Variants in ASB16 observed in about 807,000 individuals in gnomAD.
ASB16 encodes ankyrin repeat and SOCS box protein 16.
A neutral mutation model predicts 39.1 loss-of-function variants in ASB16; 44 were observed. The observed-to-expected ratio is 1.13, with a 90% CI of 0.88 to 1.45. ASB16 has a LOEUF of 1.45. Ranked by LOEUF, ASB16 falls within the 40% of genes most tolerant of loss-of-function variation. ASB16 has a pLI of 0.00. For synonymous variants in ASB16, 305 were observed against 286.7 expected (o/e 1.06, Z -0.64); for missense variants, 698 against 634.5 (o/e 1.10, Z -1.07).
chr17:44,176,766 G>C lies in ASB16; in HGVS notation c.598G>C (p.Ala200Pro), dbSNP rs145786587. ...QCAKLLLEAG[A>P]TVNLAAGESQ... ...CGCCAAGTTGCTGCTGGAAGCAGGA[G>C]CGACGGTGAACCTGGCAGCAGGCGA... Residue 200 changes from alanine to proline, a missense_variant, in exon 3 of 5, where the codon GCG becomes CCG. Ala to Pro is a conservative substitution (Grantham distance 27, BLOSUM62 -1). Transcript: ENST00000293414. The C allele has an allele frequency of 1.2e-6, 2 of 1,613,918 alleles. No homozygotes were observed. The highest frequency in any genetic ancestry group is 3.3e-5 in the Admixed American group (2 of 60,010).
Position 44,170,804 on chromosome 17 carries a change from C to G in ASB16, c.15C>G (p.Thr5=), listed in dbSNP as rs763623202. 3.1e-5 allele frequency: 49 copies of G among 1,601,354 alleles called. No individual in the cohort carries two copies. In the Admixed American group the frequency reaches 8.3e-4, roughly 27 times the overall value. ...GGGCCCCATCCATGGCAAGAGAGAC[C>G]TTCCCCTTCACCTCCTCCATGCTGC... is the stretch of plus-strand genomic sequence containing the variant. The part of the protein sequence containing the change: MARE[T]FPFTSSMLRS... The change falls in exon 1 of 5, where the codon ACC becomes ACG. Residue 5 remains threonine (T), a synonymous_variant. Coordinates refer to ENST00000293414, the MANE Select transcript of ASB16 (RefSeq NM_080863.5).
At position 44,176,748 on chromosome 17, in the gene ASB16, T is replaced by C. The variant is rs1299439388; in HGVS notation, c.580T>C (p.Leu194=). Residue 194 remains leucine (L), a synonymous_variant, in exon 3 of 5, where the codon TTG becomes CTG. Transcript: ENST00000293414. ...TIPESLQCAK[L]LLEAGATVNL... ...CTCTCTTGTCCCCAGGTGCGCCAAG[T>C]TGCTGCTGGAAGCAGGAGCGACGGT... The C allele has an allele frequency of 1.1e-5, 17 of 1,613,766 alleles. No individual in the cohort carries two copies. The highest frequency in any genetic ancestry group is 1.4e-5 in the Non-Finnish European group (17 of 1,179,926).
At chr17:44,171,927 GT>G in intron 1 of ASB16, 118 bp from the exon 2 acceptor site, 1 of 1,056,174 alleles carries the variant, frequency 9.5e-7, no homozygotes, top group Non-Finnish European at 1.4e-6. Flanking sequence ...GGCAGTGTTT[GT>G]GCTCAGCAAA....
At chr17:44,177,900 A>G in intron 4 of ASB16, 178 bp downstream of exon 4, 1 of 810,990 alleles carries the variant, frequency 1.2e-6, no homozygotes, top group South Asian at 1.8e-5. Flanking sequence ...CCCTAACTCC[A>G]CACACCTCTC....
chr17:44,175,509 G>A (rs2054280922), intron 2 of ASB16, among the ~76,000 whole-genome samples: 2 of 151,818 alleles, frequency 1.3e-5, no homozygotes, highest in African/African-American at 4.8e-5. Flanking sequence ...AAGACTGGCT[G>A]CTACTCACAT....
chr17:44,170,927 G>A lies in ASB16; in HGVS notation c.138G>A (p.Arg46=). 1 of 1,613,226 alleles carries A rather than the reference G, an allele frequency of 6.2e-7. No individual in the cohort carries two copies. The highest frequency in any genetic ancestry group is 8.5e-7 in the Non-Finnish European group (1 of 1,179,922). Residue 46 remains arginine (R), a synonymous_variant, in exon 1 of 5, where the codon CGG becomes CGA. Transcript: ENST00000293414. ...CRSRRCPSSP[R]ARLTRPHRSC... is the part of the protein sequence containing the mutation. ...GCCGCAGGTGCCCGTCAAGTCCCCG[G>A]GCCCGACTCACTAGGCCTCACCGTT...
At chr17:44,178,110 T>C in intron 4 of ASB16, 95 bp from the exon 5 acceptor site, 1 of 1,309,682 alleles carries the variant, frequency 7.6e-7, no homozygotes, top group South Asian at 1.2e-5. Context: ...AACACCCAGG[T>C]GGGTGCATGC....
rs779799451 is a variant in ASB16 at position 44,176,788 on chromosome 17, G to C, written c.620G>C (p.Gly207Ala). 8.1e-6 allele frequency: 13 copies of C among 1,613,756 alleles called. No individual in the cohort carries two copies. In the South Asian group the frequency reaches 1.2e-4, roughly 15 times the overall value. Residue 207 changes from glycine (G) to alanine (A), a missense_variant, in exon 3 of 5, where the codon GGC becomes GCC. By Grantham distance (60) the Gly-to-Ala change is moderately conservative. Transcript: ENST00000293414. ...GGAGCGACGGTGAACCTGGCAGCAG[G>C]CGAGAGCCAGGAGACGCCCCTGCAC... ...EAGATVNLAA[G>A]ESQETPLHVA...
rs758456101 is a variant in ASB16, at chr17:44,177,007, C to T, written c.839C>T (p.Ala280Val). The change falls in exon 3 of 5, where the codon GCC becomes GTC. Residue 280 changes from alanine (A) to valine (V), a missense_variant. Physicochemically the swap from Ala to Val is moderately conservative, Grantham distance 64. Transcript: ENST00000293414. ...GAGGCTGGAGCTGATGCCCGGGCGG[C>T]CGGGCGCAAGCGCCACACGCCGCTG... ...LLEAGADARA[A>V]GRKRHTPLHN... The T allele has an allele frequency of 1.3e-6, 2 of 1,489,000 alleles. No homozygotes were observed. Among genetic ancestry groups the T allele is most frequent in the East Asian group, 2.7e-5 (1 of 36,646 alleles). 92.2% of individuals were successfully genotyped at this position (1,489,000 alleles called of 1,614,324 possible). A position where few individuals can be genotyped will look rare whatever the true frequency, so the allele number is the denominator to read the frequency against.
At position 44,177,741 on chromosome 17, in the gene ASB16, C is replaced by T. The variant is rs749502395; in HGVS notation, c.1176+19C>T. 1.6e-5 allele frequency: 25 copies of T among 1,609,102 alleles called. No homozygotes were observed. The highest frequency in any genetic ancestry group is 3.4e-5 in the Admixed American group (2 of 59,614). ...GTGGAAGGTATGTTTGCCTCAGGGC[C>T]GAGATGGGGAGGAGGGACGAGCCAC... On this transcript the variant is annotated intron_variant, in intron 4 of 4. Transcript: ENST00000293414.
chr17:44,177,775 T>C (rs866591792), intron 4 of ASB16, 53 bp downstream of exon 4: 11 of 1,598,910 alleles, frequency 6.9e-6, no homozygotes, highest in Middle Eastern at 3.4e-4. Context: ...ACAGGCCTAT[T>C]CCTTCAGGAC....
Position 44,170,905 on chromosome 17 carries a change from G to A in ASB16, c.116G>A (p.Arg39His), listed in dbSNP as rs778649100. The A allele has an allele frequency of 6.7e-5, 108 of 1,612,138 alleles. No individual in the cohort carries two copies. Among genetic ancestry groups the A allele is most frequent in the Admixed American group, 3.2e-4 (19 of 59,960 alleles). The change falls in exon 1 of 5, where the codon CGC (arginine) becomes CAC (histidine). Residue 39 changes from arginine to histidine, a missense_variant. Arg to His is a conservative substitution (Grantham distance 29). Coordinates refer to ENST00000293414, the MANE Select transcript of ASB16 (RefSeq NM_080863.5). ...RRAAAQQCRS[R>H]RCPSSPRARL... ...GCGGCTGCCCAGCAGTGCCGGAGCCGCAGGTGCCCGTCAAGTCCCCGGGCC... is the reference window on the plus strand; with the variant it reads ...GCGGCTGCCCAGCAGTGCCGGAGCCACAGGTGCCCGTCAAGTCCCCGGGCC...
At position 44,176,726 on chromosome 17, in the gene ASB16, T is replaced by A. The variant is rs368182961; in HGVS notation, c.570-12T>A. On this transcript the variant is annotated splice_polypyrimidine_tract_variant and intron_variant, in intron 2 of 4. Coordinates refer to ENST00000293414, the MANE Select transcript of ASB16 (RefSeq NM_080863.5). ...CAGGATTTTCCTCAGGACCTTGCTCTCTTGTCCCCAGGTGCGCCAAGTTGC... is the reference window on the plus strand; with the variant it reads ...CAGGATTTTCCTCAGGACCTTGCTCACTTGTCCCCAGGTGCGCCAAGTTGC... 1.7e-5 allele frequency: 27 copies of A among 1,613,866 alleles called. No homozygotes were observed. In the African/African-American group the frequency reaches 2.8e-4, roughly 17 times the overall value.
chr17:44,177,377 G>A, intron 3 of ASB16, 147 bp downstream of exon 3: 6 of 1,267,890 alleles, frequency 4.7e-6, no homozygotes, highest in Non-Finnish European at 6.4e-6. Context: ...GGGAGGGGGA[G>A]AGAGGATTCT....
intron 2 of ASB16, among the ~76,000 whole-genome samples, chr17:44,174,132 C>T (rs1193858307): frequency 2.0e-5 from 3 of 151,554 alleles, no homozygotes; most frequent in Non-Finnish European, 2.9e-5. Context: ...CTCCGCCTCC[C>T]GGGTTCCCGC....
chr17:44,173,425 G>C (rs2054259528), intron 2 of ASB16, among the ~76,000 whole-genome samples: 1 of 152,060 alleles, frequency 6.6e-6, no homozygotes, highest in Admixed American at 6.6e-5. Context: ...AGATTCAGTG[G>C]CTCACACCTG....
At chr17:44,176,461 A>AGTACTATT (rs2054291453) in intron 2 of ASB16, 1 of 541,378 alleles carries the variant, frequency 1.8e-6, no homozygotes, top group Non-Finnish European at 3.3e-6. Flanking sequence ...TGAGGCAGTG[A>AGTACTATT]GTACTATTTC....
chr17:44,175,537 G>T (rs1391236847), intron 2 of ASB16, among the ~76,000 whole-genome samples: 2 of 151,568 alleles, frequency 1.3e-5, no homozygotes, highest in African/African-American at 2.4e-5. Context: ...ACAGAGCAAA[G>T]AACCTACCTG....
Position 44,177,008 on chromosome 17 carries a change from C to T in ASB16, c.840C>T (p.Ala280=), listed in dbSNP as rs1388686992. ...LLEAGADARA[A]GRKRHTPLHN... Reference sequence around the variant, plus strand: ...AGGCTGGAGCTGATGCCCGGGCGGCCGGGCGCAAGCGCCACACGCCGCTGC... The same window carrying T: ...AGGCTGGAGCTGATGCCCGGGCGGCTGGGCGCAAGCGCCACACGCCGCTGC... Residue 280 remains alanine (A), a synonymous_variant, in exon 3 of 5, where the codon GCC becomes GCT. Transcript: ENST00000293414. The T allele has an allele frequency of 2.0e-6, 3 of 1,488,720 alleles. No individual in the cohort carries two copies. Among genetic ancestry groups the T allele is most frequent in the Non-Finnish European group, 1.8e-6 (2 of 1,131,924 alleles). 92.2% of individuals were successfully genotyped at this position (1,488,720 alleles called of 1,614,324 possible).
Sources: allele counts gnomAD v4.1 joint callset (sites outside exome capture counted in the v4.1 genomes callset), GRCh38; gene constraint gnomAD v4.1.1; transcripts MANE v1.5; gene names NCBI Gene and HGNC (gene_info 2026-07-23, HGNC 2026-07-21).